Variants in CLSPN observed in about 807,000 individuals in gnomAD.
The protein encoded by CLSPN is claspin.
A neutral mutation model predicts 156.3 loss-of-function variants in CLSPN; 85 were observed. That is an observed-to-expected ratio of 0.54 (90% confidence interval 0.46 to 0.65). CLSPN has a LOEUF of 0.65. Among genes scored for constraint, CLSPN ranks in the 30% least tolerant of loss-of-function variants. The pLI is 0.00. For missense variants in CLSPN, 1,407 were observed against 1,554.9 expected, an observed-to-expected ratio of 0.90 and a Z score of 1.60; for synonymous variants, 534 against 542.4, an observed-to-expected ratio of 0.98 and a Z score of 0.22.
chr1:35,765,898 G>C (rs1642653959), intron 1 of CLSPN, among the ~76,000 whole-genome samples: 1 of 151,870 alleles, frequency 6.6e-6, no homozygotes, highest in Non-Finnish European at 1.5e-5. Flanking sequence ...GGAAATAGAG[G>C]GAATAGGGGA....
chr1:35,739,030 A>C, intron 20 of CLSPN, 106 bp downstream of exon 20: 1 of 1,334,684 alleles, frequency 7.5e-7, no homozygotes, highest in Admixed American at 2.0e-5. Context: ...TGAACTCCTG[A>C]CCTTGTGATC....
chr1:35,764,077 C>T (rs1036946716), intron 3 of CLSPN, among the ~76,000 whole-genome samples, 189 bp downstream of exon 3: 33 of 152,010 alleles, frequency 2.2e-4, no homozygotes, highest in African/African-American at 6.8e-4. Context: ...TGGGATTAGA[C>T]GTATGCACCA....
At chr1:35,722,281 GTCTC>G (rs1462140071) in intron 24 of CLSPN, among the ~76,000 whole-genome samples, 1 of 133,292 alleles carries the variant, frequency 7.5e-6, no homozygotes, top group African/African-American at 2.9e-5. Context: ...TTGAGATGGA[GTCTC>G]TCTCTGTCAC....
At chr1:35,754,010 T>TA in intron 8 of CLSPN, 74 bp from the exon 9 acceptor site, 1 of 1,339,548 alleles carries the variant, frequency 7.5e-7, no homozygotes, top group African/African-American at 1.5e-5. Flanking sequence ...ATAAGCTAAG[T>TA]TTTTTTTAGC....
chr1:35,764,844 T>C, intron 2 of CLSPN, 130 bp from the exon 3 acceptor site: 2 of 577,926 alleles, frequency 3.5e-6, no homozygotes. Context: ...TGTTAAGAAC[T>C]GATTGTAGCA....
intron 9 of CLSPN, among the ~76,000 whole-genome samples, chr1:35,752,698 A>G (rs1642135649): frequency 6.6e-6 from 1 of 151,884 alleles, no homozygotes; most frequent in Non-Finnish European, 1.5e-5. Flanking sequence ...TGTAAACTTG[A>G]GCAAGTGTCT....
In CLSPN at chr1:35,732,895, G is replaced by A. The variant is rs1641351140; in HGVS notation, c.*3601C>T. On this transcript the variant is annotated 3_prime_UTR_variant, in exon 25 of 25. Coordinates refer to ENST00000318121, the MANE Select transcript of CLSPN (RefSeq NM_022111.4). ...TCCTGGCATAAGGAAAAGTAACCCA[G>A]AGTTTGACTCAAGTTTTCTTTCTCC... The A allele has an allele frequency of 1.0e-6, 1 of 985,420 alleles. No homozygotes were observed. The highest frequency in any genetic ancestry group is 1.1e-4 in the East Asian group (1 of 8,812). The allele number at this position is 985,420 out of a possible 1,614,324, so 61.0% of individuals were successfully genotyped here.
intron 1 of CLSPN, among the ~76,000 whole-genome samples, chr1:35,766,782 T>C (rs1026524278): frequency 2.0e-5 from 3 of 151,096 alleles, no homozygotes; most frequent in African/African-American, 7.3e-5. Flanking sequence ...GAGACGGAGT[T>C]TCGCTCTTAT....
chr1:35,747,014 G>A (rs780371530), intron 14 of CLSPN, 22 bp from the exon 15 acceptor site: 12 of 1,589,528 alleles, frequency 7.5e-6, no homozygotes, highest in Admixed American at 1.7e-5. Context: ...TGAGCACAAC[G>A]AATAGTGTAA....
downstream of CLSPN, among the ~76,000 whole-genome samples, chr1:35,731,425 G>A (rs1034076039): frequency 4.6e-5 from 7 of 152,142 alleles, no homozygotes; most frequent in East Asian, 1.9e-4. Context: ...GGGAGGCAGA[G>A]CTATGTCATG....
At position 35,735,153 on chromosome 1, in the gene CLSPN, GAGAATTC is replaced by G; in HGVS notation, c.*1336_*1342del. 1.0e-6 allele frequency: 1 copy of G among 985,416 alleles called. No individual in the cohort carries two copies. Among genetic ancestry groups the G allele is most frequent in the Non-Finnish European group, 1.2e-6 (1 of 829,934 alleles). The allele number at this position is 985,416 out of a possible 1,614,324, so 61.0% of individuals were successfully genotyped here. A position where few individuals can be genotyped will look rare whatever the true frequency, so the allele number is the denominator to read the frequency against. On this transcript the variant is annotated 3_prime_UTR_variant, in exon 25 of 25. Coordinates refer to ENST00000318121, the MANE Select transcript of CLSPN (RefSeq NM_022111.4). Reference sequence around the variant, plus strand: ...TCTTTGAACAACAGTGCTTCAAATTGAGAATTCAGTCCCAGGAAGGGTCTCTCTGCCC... The same window carrying G: ...TCTTTGAACAACAGTGCTTCAAATTGAGTCCCAGGAAGGGTCTCTCTGCCC...
intron 13 of CLSPN, 28 bp from the exon 14 acceptor site, chr1:35,748,089 AC>A: frequency 6.3e-7 from 1 of 1,588,080 alleles, no homozygotes; most frequent in Non-Finnish European, 8.5e-7. Context: ...ACAAACAATA[AC>A]AAAACATTTT....
At chr1:35,725,749 G>A (rs1035822130) in intron 24 of CLSPN, among the ~76,000 whole-genome samples, 7 of 152,210 alleles carry the variant, frequency 4.6e-5, no homozygotes, top group Middle Eastern at 6.8e-3. Flanking sequence ...TGTATAAACC[G>A]CTCTGCTCCA....
rs988545538 is a variant in CLSPN, at chr1:35,746,504, C to T, written c.2854+262G>A. Among the ~76,000 whole-genome samples the T allele has an allele frequency of 9.9e-5, 15 of 151,892 alleles. No homozygotes were observed. The highest frequency in any genetic ancestry group is 3.4e-4 in the African/African-American group (14 of 41,330). On this transcript the variant is annotated intron_variant, in intron 15 of 24. Transcript: ENST00000318121. The surrounding 1 kb of genome is among the most constrained non-coding windows in gnomAD (Gnocchi z 4.2). ...TCATCTCCCAGGCTCAAGAGATCCT[C>T]CCACCTCAGCCTCCCAAGTAGCTAG...
intron 4 of CLSPN, among the ~76,000 whole-genome samples, chr1:35,762,921 T>C (rs1041055566): frequency 6.6e-6 from 1 of 152,150 alleles, no homozygotes; most frequent in African/African-American, 2.4e-5. Context: ...TCAAATATCT[T>C]AGTGGTTTTT....
At chr1:35,769,774 C>A (rs1293852821) in intron 1 of CLSPN, 73 bp downstream of exon 1, 16 of 1,443,808 alleles carry the variant, frequency 1.1e-5, no homozygotes, top group South Asian at 1.0e-4. Context: ...TCAGCGGGGT[C>A]TACCCCGGCC....
intron 18 of CLSPN, among the ~76,000 whole-genome samples, chr1:35,740,133 C>T (rs7532074): frequency 0.09 from 13,745 of 152,182 alleles, 2,142 homozygotes; most frequent in East Asian, 0.71. Context: ...CATTTGAGCA[C>T]ACCAGCTTTA....
At position 35,736,952 on chromosome 1, in the gene CLSPN, C is replaced by T. The variant is rs1297676090; in HGVS notation, c.3871G>A (p.Val1291Ile). 6.2e-7 allele frequency: 1 copy of T among 1,614,118 alleles called. No individual in the cohort carries two copies. Among genetic ancestry groups the T allele is most frequent in the Non-Finnish European group, 8.5e-7 (1 of 1,180,010 alleles). ...RNFVFHTLSP[V>I]KAEAAKESSK... ...GATTCCTTTGCCGCCTCAGCCTTGA[C>T]AGGAGAAAGTGTATGAAAGACAAAG... is the stretch of plus-strand genomic sequence containing the variant. Residue 1291 changes from valine (V) to isoleucine (I), a missense_variant, in exon 24 of 25, where the codon GTC (valine) becomes ATC (isoleucine). Val to Ile is a conservative substitution (Grantham distance 29, BLOSUM62 3). Around this residue, in one of 3 missense-constraint regions of CLSPN, gnomAD observed 241 missense variants for 240.5 expected, o/e 1.00. Coordinates refer to ENST00000318121, the MANE Select transcript of CLSPN (RefSeq NM_022111.4).
intron 12 of CLSPN, 112 bp downstream of exon 12, chr1:35,749,355 A>G: frequency 1.0e-6 from 1 of 975,064 alleles, no homozygotes; most frequent in Non-Finnish European, 1.6e-6. Flanking sequence ...TACATATGAA[A>G]CTGGGAAGTG....
Sources: allele counts gnomAD v4.1 joint callset (sites outside exome capture counted in the v4.1 genomes callset), GRCh38; gene constraint gnomAD v4.1.1; regional missense constraint gnomAD v4.1.1; non-coding constraint Gnocchi (gnomAD v3.1); transcripts MANE v1.5; gene names NCBI Gene and HGNC (gene_info 2026-07-23, HGNC 2026-07-21).